DTWD2: variants seen among roughly 807,000 people sequenced by gnomAD.
DTWD2 encodes DTW motif tRNA-uridine aminocarboxypropyltransferase 2.
A neutral mutation model predicts 31.8 loss-of-function variants in DTWD2; 39 were observed. That is an observed-to-expected ratio of 1.22 (90% CI 0.95 to 1.60). DTWD2 has a LOEUF of 1.60. Ranked by LOEUF, DTWD2 falls within the 40% of genes most tolerant of loss-of-function variation. The probability of loss-of-function intolerance (pLI) is 0.00; values close to 1 mark genes in which losing one functional copy is unlikely to be tolerated. For synonymous variants in DTWD2, 180 were observed against 142.8 expected (o/e 1.26, Z -1.86); for missense variants, 515 against 381.5 (o/e 1.35, Z -2.92).
intron 4 of DTWD2, among the ~76,000 whole-genome samples, chr5:118,926,446 G>A (rs1645985423): frequency 6.6e-6 from 1 of 152,132 alleles, no homozygotes; most frequent in African/African-American, 2.4e-5. Flanking sequence ...AGTGTACACT[G>A]CTCAGGTGAC....
intron 1 of DTWD2, among the ~76,000 whole-genome samples, chr5:118,970,691 G>C (rs1754965274): frequency 1.3e-5 from 2 of 152,012 alleles, no homozygotes; most frequent in Non-Finnish European, 1.5e-5. Context: ...GTAATCAACA[G>C]ATTCTCCAAG....
intron 4 of DTWD2, among the ~76,000 whole-genome samples, chr5:118,861,569 AAC>A (rs917129894): frequency 3.5e-4 from 52 of 150,316 alleles, no homozygotes; most frequent in African/African-American, 1.2e-3. Flanking sequence ...GTTTTAACGA[AAC>A]TGATTTTTTT....
intron 3 of DTWD2, among the ~76,000 whole-genome samples, chr5:118,931,310 G>A (rs1427699058): frequency 4.0e-5 from 6 of 150,966 alleles, no homozygotes; most frequent in Non-Finnish European, 7.4e-5. Flanking sequence ...CAGGAGAATC[G>A]CTTGAGCCTG....
intron 4 of DTWD2, among the ~76,000 whole-genome samples, chr5:118,874,400 T>C (rs1398939839): frequency 6.6e-6 from 1 of 152,134 alleles, no homozygotes; most frequent in African/African-American, 2.4e-5. Context: ...AATATGAATA[T>C]GAACAAAGTT....
intron 4 of DTWD2, among the ~76,000 whole-genome samples, chr5:118,899,187 C>T (rs576973981): frequency 6.6e-6 from 1 of 152,314 alleles, no homozygotes; most frequent in African/African-American, 2.4e-5. Flanking sequence ...CACTGAAGTG[C>T]TGTCTAGAGT....
intron 5 of DTWD2, among the ~76,000 whole-genome samples, chr5:118,843,666 A>G (rs1751779329): frequency 6.6e-6 from 1 of 152,262 alleles, no homozygotes; most frequent in Non-Finnish European, 1.5e-5. Flanking sequence ...TAAACAGAAG[A>G]AAACTCATAT....
chr5:118,860,505 A>G (rs186628187), intron 4 of DTWD2, among the ~76,000 whole-genome samples: 3 of 152,258 alleles, frequency 2.0e-5, no homozygotes, highest in Admixed American at 2.0e-4. Flanking sequence ...AATAATAAAT[A>G]GCTTTGTGTT....
At chr5:118,865,369 A>C (rs757446893) in intron 4 of DTWD2, among the ~76,000 whole-genome samples, 14 of 152,208 alleles carry the variant, frequency 9.2e-5, no homozygotes, top group Non-Finnish European at 2.1e-4. Context: ...ATGAGTATAA[A>C]TAAGTACTTC....
At chr5:118,952,243 C>T (rs747976729) in intron 1 of DTWD2, among the ~76,000 whole-genome samples, 6 of 152,114 alleles carry the variant, frequency 3.9e-5, no homozygotes, top group Admixed American at 1.3e-4. Flanking sequence ...AAGGGAGGTC[C>T]CCCAATCCGA....
chr5:118,908,266 G>C (rs1394025666), intron 4 of DTWD2, among the ~76,000 whole-genome samples: 2 of 152,072 alleles, frequency 1.3e-5, no homozygotes, highest in Non-Finnish European at 2.9e-5. Context: ...GGATCCTCAG[G>C]ACCAAGGAGT....
chr5:118,965,710 T>A (rs936950162), intron 1 of DTWD2, among the ~76,000 whole-genome samples: 1 of 152,150 alleles, frequency 6.6e-6, no homozygotes. Flanking sequence ...GTGCAAGATG[T>A]GCTTTGTTAA....
chr5:118,856,138 TA>T (rs1482416355), intron 4 of DTWD2, among the ~76,000 whole-genome samples: 1 of 152,140 alleles, frequency 6.6e-6, no homozygotes, highest in African/African-American at 2.4e-5. Context: ...GTTCTCCTAA[TA>T]AACCCCACCT....
At chr5:118,903,459 G>A (rs1753260235) in intron 4 of DTWD2, among the ~76,000 whole-genome samples, 1 of 151,954 alleles carries the variant, frequency 6.6e-6, no homozygotes, top group Admixed American at 6.6e-5. Context: ...AATCTAGTCA[G>A]AATATTAATC....
chr5:118,955,820 G>C (rs961412807), intron 1 of DTWD2, among the ~76,000 whole-genome samples: 2 of 151,164 alleles, frequency 1.3e-5, no homozygotes, highest in Admixed American at 1.3e-4. Flanking sequence ...AAAGTTCCTT[G>C]CTTCCTATGA....
chr5:118,961,925 A>C (rs948840064), intron 1 of DTWD2, among the ~76,000 whole-genome samples: 16 of 152,328 alleles, frequency 1.1e-4, no homozygotes, highest in African/African-American at 3.8e-4. Context: ...GCTATGAATA[A>C]GCCATTGATT....
chr5:118,970,979 G>C (rs750962591), intron 1 of DTWD2, among the ~76,000 whole-genome samples: 12 of 152,146 alleles, frequency 7.9e-5, no homozygotes, highest in Admixed American at 2.6e-4. Context: ...AAGAGCTCCT[G>C]AAGGAAGCAC....
At chr5:118,936,232 A>G (rs762601160) in intron 3 of DTWD2, among the ~76,000 whole-genome samples, 10 of 152,202 alleles carry the variant, frequency 6.6e-5, no homozygotes, top group Non-Finnish European at 1.3e-4. Flanking sequence ...GGATATATAA[A>G]GCAATGGTTA....
intron 4 of DTWD2, among the ~76,000 whole-genome samples, chr5:118,870,954 TATAAC>T (rs1369971109): frequency 6.7e-6 from 1 of 149,334 alleles, no homozygotes; most frequent in Non-Finnish European, 1.5e-5. Context: ...ATAATGTACA[TATAAC>T]ATATAACTAA....
chr5:118,949,269 A>T (rs1434631407), intron 1 of DTWD2, among the ~76,000 whole-genome samples: 3 of 152,174 alleles, frequency 2.0e-5, no homozygotes, highest in Non-Finnish European at 2.9e-5. Context: ...GCCTTGTGGC[A>T]GTATAGCCTA....
Sources: gnomAD v4.1 joint callset for allele counts (sites outside exome capture counted in the v4.1 genomes callset) on GRCh38, gnomAD v4.1.1 for gene constraint, MANE v1.5 for transcripts, NCBI Gene and HGNC (gene_info 2026-07-23, HGNC 2026-07-21) for gene names.